Variants in NALF1 observed in about 807,000 individuals in gnomAD.
NALF1 encodes the protein family with sequence similarity 155 member A.
Under a neutral mutation model 48.4 loss-of-function variants are expected in NALF1, and 3 were observed. That is an observed-to-expected ratio of 0.06 (90% CI 0.03 to 0.16). The LOEUF (loss-of-function observed/expected upper bound fraction) is 0.16, where lower values mean the gene tolerates loss of function less well. Among genes scored for constraint, NALF1 ranks in the 10% least tolerant of loss-of-function variants. NALF1 has a pLI of 1.00. For synonymous variants in NALF1, 262 were observed against 245.7 expected (o/e 1.07, Z -0.62); for missense variants, 526 against 571.5 (o/e 0.92, Z 0.81).
At chr13:107,830,122 T>C (rs1879670005) in intron 1 of NALF1, among the ~76,000 whole-genome samples, 1 of 152,202 alleles carries the variant, frequency 6.6e-6, no homozygotes. Context: ...CAGCTGTCTC[T>C]GGCCCATTTC....
intron 1 of NALF1, among the ~76,000 whole-genome samples, chr13:107,639,479 A>AATT (rs1880090638): frequency 6.6e-6 from 1 of 152,180 alleles, no homozygotes; most frequent in Non-Finnish European, 1.5e-5. Flanking sequence ...TACACTTTAA[A>AATT]AAAGTCAGCT....
At chr13:107,446,874 G>T (rs2139031425) in intron 1 of NALF1, among the ~76,000 whole-genome samples, 1 of 152,206 alleles carries the variant, frequency 6.6e-6, no homozygotes, top group African/African-American at 2.4e-5. Context: ...TAAAAATTCT[G>T]GCATGTCTGA....
intron 1 of NALF1, among the ~76,000 whole-genome samples, chr13:107,814,579 T>C (rs1160823037): frequency 6.6e-6 from 1 of 151,918 alleles, no homozygotes; most frequent in East Asian, 1.9e-4. Flanking sequence ...AAGAAGTTAC[T>C]AGAGATAAAG....
At chr13:107,738,721 C>T (rs1480831062) in intron 1 of NALF1, among the ~76,000 whole-genome samples, 1 of 152,110 alleles carries the variant, frequency 6.6e-6, no homozygotes, top group Admixed American at 6.5e-5. Flanking sequence ...GGCTGGAATG[C>T]AGTGGTGTGA....
At chr13:107,499,726 TG>T (rs1875456116) in intron 1 of NALF1, among the ~76,000 whole-genome samples, 1 of 152,224 alleles carries the variant, frequency 6.6e-6, no homozygotes, top group South Asian at 2.1e-4. Context: ...CCTTACGGCT[TG>T]CTTTTTTTCT....
intron 1 of NALF1, among the ~76,000 whole-genome samples, chr13:107,525,921 T>C (rs1876418532): frequency 6.6e-6 from 1 of 152,176 alleles, no homozygotes; most frequent in Admixed American, 6.6e-5. Flanking sequence ...GCTTATTTAC[T>C]ATCCATATAT....
intron 1 of NALF1, among the ~76,000 whole-genome samples, chr13:107,214,337 A>T (rs985488605): frequency 6.6e-6 from 1 of 152,254 alleles, no homozygotes; most frequent in Non-Finnish European, 1.5e-5. Flanking sequence ...GTCTTATTTC[A>T]TAAGAACTAT....
chr13:107,359,020 TTA>T (rs1375075326), intron 1 of NALF1, among the ~76,000 whole-genome samples: 2 of 152,172 alleles, frequency 1.3e-5, no homozygotes, highest in Non-Finnish European at 2.9e-5. Flanking sequence ...CCCTTTAATC[TTA>T]TATTCTCTAC....
chr13:107,548,956 T>C (rs1877212870), intron 1 of NALF1, among the ~76,000 whole-genome samples: 1 of 152,206 alleles, frequency 6.6e-6, no homozygotes, highest in South Asian at 2.1e-4. Flanking sequence ...AAGTGCATCT[T>C]GGTCAAGAAA....
chr13:107,650,084 T>C (rs1880407741), intron 1 of NALF1, among the ~76,000 whole-genome samples: 1 of 152,070 alleles, frequency 6.6e-6, no homozygotes, highest in African/African-American at 2.4e-5. Context: ...TCAAAATGAG[T>C]ATTTTAAAAG....
At chr13:107,692,199 ATAAAT>A (rs888303030) in intron 1 of NALF1, among the ~76,000 whole-genome samples, 5 of 152,236 alleles carry the variant, frequency 3.3e-5, no homozygotes, top group African/African-American at 1.2e-4. Context: ...AAGTTCAAAA[ATAAAT>A]TAAAAGCCTA....
chr13:107,769,621 C>T (rs1218807734), intron 1 of NALF1, among the ~76,000 whole-genome samples: 1 of 150,794 alleles, frequency 6.6e-6, no homozygotes, highest in African/African-American at 2.4e-5. Flanking sequence ...AGTACACCAG[C>T]ATGGCACATG....
chr13:107,302,959 G>A (rs558009905), intron 1 of NALF1, among the ~76,000 whole-genome samples: 46 of 152,178 alleles, frequency 3.0e-4, no homozygotes, highest in Non-Finnish European at 5.3e-4. Flanking sequence ...TGGCTTTCAG[G>A]CTGTAGTTTG....
At chr13:107,800,603 GTAATATAA>G (rs1405336457) in intron 1 of NALF1, among the ~76,000 whole-genome samples, 1 of 146,364 alleles carries the variant, frequency 6.8e-6, no homozygotes, top group East Asian at 2.0e-4. Context: ...AATAAATTAT[GTAATATAA>G]TATATATATT....
chr13:107,565,923 T>C (rs868720004), intron 1 of NALF1, among the ~76,000 whole-genome samples: 22 of 152,178 alleles, frequency 1.4e-4, no homozygotes, highest in African/African-American at 5.1e-4. Flanking sequence ...GAAATTTCTG[T>C]TTAAAACAGA....
chr13:107,684,232 C>T (rs1027824863), intron 1 of NALF1, among the ~76,000 whole-genome samples: 1 of 152,182 alleles, frequency 6.6e-6, no homozygotes, highest in South Asian at 2.1e-4. Flanking sequence ...GGGAGCACCT[C>T]GCTCCTTTCT....
intron 1 of NALF1, among the ~76,000 whole-genome samples, chr13:107,548,745 T>C (rs923302645): frequency 2.6e-5 from 4 of 152,100 alleles, no homozygotes; most frequent in African/African-American, 2.4e-5. Context: ...GTTGGACCCA[T>C]TGATGTCCTT....
chr13:107,866,682 T>G lies in NALF1; in HGVS notation c.-86A>C. The G allele has an allele frequency of 9.1e-7, 1 of 1,097,472 alleles. No individual in the cohort carries two copies. Among genetic ancestry groups the G allele is most frequent in the Non-Finnish European group, 1.3e-6 (1 of 763,418 alleles). The allele number at this position is 1,097,472 out of a possible 1,614,324, so 68.0% of individuals were successfully genotyped here. A position where few individuals can be genotyped will look rare whatever the true frequency, so the allele number is the denominator to read the frequency against. On this transcript the variant is annotated 5_prime_UTR_variant, in exon 1 of 3. Transcript: ENST00000375915. The surrounding 1 kb of genome is among the most constrained non-coding windows in gnomAD (Gnocchi z 4.4). ...ACAATATGCATTGACTTAAAGGGTT[T>G]AATTTCCTTATCCCCTCCTCCCGTT... is the stretch of plus-strand genomic sequence containing the variant.
At chr13:107,313,011 T>C (rs1882077113) in intron 1 of NALF1, among the ~76,000 whole-genome samples, 1 of 152,186 alleles carries the variant, frequency 6.6e-6, no homozygotes, top group Non-Finnish European at 1.5e-5. Context: ...AAACACGAAG[T>C]ATTGTGAATA....
Sources: allele counts gnomAD v4.1 joint callset (sites outside exome capture counted in the v4.1 genomes callset), GRCh38; gene constraint gnomAD v4.1.1; non-coding constraint Gnocchi (gnomAD v3.1); transcripts MANE v1.5; gene names NCBI Gene and HGNC (gene_info 2026-07-23, HGNC 2026-07-21).